ADCY10: variants seen among roughly 807,000 people sequenced by gnomAD.
ADCY10 encodes adenylate cyclase type 10.
ADCY10 carries 156 observed loss-of-function variants against 183.3 expected under a neutral mutation model. The observed-to-expected ratio is 0.85, with a 90% CI of 0.75 to 0.97. ADCY10 has a LOEUF of 0.97. Among genes scored for constraint, ADCY10 ranks in the 50% least tolerant of loss-of-function variants. The probability of loss-of-function intolerance (pLI) is 0.00; values close to 1 mark genes in which losing one functional copy is unlikely to be tolerated. For synonymous variants in ADCY10, 645 were observed against 670.0 expected (o/e 0.96, Z 0.58); for missense variants, 1,745 against 1,934.3 (o/e 0.90, Z 1.84).
intron 1 of ADCY10, among the ~76,000 whole-genome samples, chr1:167,913,680 G>T (rs1471321001): frequency 6.6e-6 from 1 of 150,870 alleles, no homozygotes; most frequent in Non-Finnish European, 1.5e-5. Context: ...GTAGGCACTT[G>T]GTAGTTGTTG....
At chr1:167,848,311 AG>A (rs755994982) in intron 19 of ADCY10, 49 bp downstream of exon 19, 5 of 1,530,294 alleles carry the variant, frequency 3.3e-6, no homozygotes, top group Non-Finnish European at 4.5e-6. Context: ...GGCCTCCCAA[AG>A]TGCTGGGATT....
intron 13 of ADCY10, among the ~76,000 whole-genome samples, chr1:167,871,026 A>G (rs1395751167): frequency 6.6e-6 from 1 of 152,166 alleles, no homozygotes; most frequent in African/African-American, 2.4e-5. Context: ...CTTAGATTAC[A>G]CAACCAGGAA....
At chr1:167,912,352 C>T (rs577797339) in intron 1 of ADCY10, among the ~76,000 whole-genome samples, 2 of 152,232 alleles carry the variant, frequency 1.3e-5, no homozygotes, top group Non-Finnish European at 2.9e-5. Flanking sequence ...GCCCACCCAA[C>T]ATGGCGATTC....
chr1:167,897,104 C>T (rs1016599128), intron 6 of ADCY10, among the ~76,000 whole-genome samples: 6 of 150,732 alleles, frequency 4.0e-5, no homozygotes, highest in Non-Finnish European at 7.4e-5. Flanking sequence ...AGTCATAAGA[C>T]ATCAAGATCA....
chr1:167,847,502 G>T (rs1250978011), intron 19 of ADCY10, among the ~76,000 whole-genome samples: 10 of 151,564 alleles, frequency 6.6e-5, no homozygotes, highest in Non-Finnish European at 1.3e-4. Flanking sequence ...TGCAACCTCC[G>T]CCTCCTGGGT....
chr1:167,871,127 A>G (rs1667078261), intron 13 of ADCY10, among the ~76,000 whole-genome samples: 1 of 152,058 alleles, frequency 6.6e-6, no homozygotes, highest in Non-Finnish European at 1.5e-5. Flanking sequence ...TATGTAGACT[A>G]TTACATTAGG....
chr1:167,904,790 T>C, intron 2 of ADCY10: 1 of 666,400 alleles, frequency 1.5e-6, no homozygotes, highest in Non-Finnish European at 2.6e-6. Flanking sequence ...TGCCTATGAC[T>C]GGCAGTCCTG....
chr1:167,871,077 G>GT (rs1283955285), intron 13 of ADCY10, among the ~76,000 whole-genome samples: 2 of 151,008 alleles, frequency 1.3e-5, no homozygotes, highest in Non-Finnish European at 3.0e-5. Context: ...GTTTTTTTTT[G>GT]TTTTTTGTTT....
At chr1:167,890,962 G>T (rs182185019) in intron 8 of ADCY10, among the ~76,000 whole-genome samples, 69 of 151,954 alleles carry the variant, frequency 4.5e-4, no homozygotes, top group African/African-American at 1.4e-3. Flanking sequence ...TATTTATTTA[G>T]TTAGTTAGTT....
At chr1:167,885,660 G>A (rs1668169974) in intron 8 of ADCY10, among the ~76,000 whole-genome samples, 1 of 151,750 alleles carries the variant, frequency 6.6e-6, no homozygotes, top group Non-Finnish European at 1.5e-5. Flanking sequence ...TCTGTCACCT[G>A]GGCTGGAGTG....
At chr1:167,896,768 AAG>A in intron 6 of ADCY10, 77 bp from the exon 7 acceptor site, 1 of 1,019,832 alleles carries the variant, frequency 9.8e-7, no homozygotes, top group Middle Eastern at 3.0e-4. Flanking sequence ...TCTTAGCAGA[AAG>A]AGAGTATGCT....
In ADCY10 at chr1:167,823,049, G is replaced by A. The variant is rs1338770595; in HGVS notation, c.4127C>T (p.Ala1376Val). 6 of 1,614,030 alleles carry A rather than the reference G, an allele frequency of 3.7e-6. No homozygotes were observed. The highest frequency in any genetic ancestry group is 5.1e-6 in the Non-Finnish European group (6 of 1,180,020). The change falls in exon 29 of 33, where the codon GCA (alanine) becomes GTA (valine). Residue 1376 changes from alanine to valine, a missense_variant. Transcript: ENST00000367851. ...GTCCAAGCAGACAAAATAGAAAAAT[G>A]CCTTGCTGAAGATGTGTTCCTGTGT... ...SVTQEHIFSKAFFYFVCLDIL... is the reference protein window; with the variant it reads ...SVTQEHIFSKVFFYFVCLDIL...
At chr1:167,861,209 C>T (rs1048225432) in intron 14 of ADCY10, 146 bp from the exon 15 acceptor site, 6 of 726,738 alleles carry the variant, frequency 8.3e-6, no homozygotes, top group African/African-American at 1.8e-5. Context: ...TTCTTTATTG[C>T]TGCTTCTGAT....
chr1:167,819,090 AT>A (rs113446012), intron 30 of ADCY10, among the ~76,000 whole-genome samples: 3,515 of 149,828 alleles, frequency 0.023, 120 homozygotes, highest in African/African-American at 0.079. Context: ...TCTCCAGGTG[AT>A]TTTTTTTTTA....
At chr1:167,819,046 G>A (rs1469908364) in intron 30 of ADCY10, among the ~76,000 whole-genome samples, 4 of 152,034 alleles carry the variant, frequency 2.6e-5, no homozygotes, top group East Asian at 1.9e-4. Context: ...AATCAGACAG[G>A]CTCTGGGGGT....
chr1:167,809,468 A>T lies in ADCY10; in HGVS notation c.*210T>A, dbSNP rs17482467. On this transcript the variant is annotated 3_prime_UTR_variant, in exon 33 of 33. Coordinates refer to ENST00000367851, the MANE Select transcript of ADCY10 (RefSeq NM_018417.6). ...AAGCTAAAACAACATGAATGGTAAA[A>T]GCAATTTTTTGTAACATTAGGAAGA... 1 of 583,988 alleles carries T rather than the reference A, an allele frequency of 1.7e-6. No homozygotes were observed. Among genetic ancestry groups the T allele is most frequent in the African/African-American group, 1.9e-5 (1 of 53,596 alleles). 36.2% of individuals were successfully genotyped at this position (583,988 alleles called of 1,614,324 possible). A position where few individuals can be genotyped will look rare whatever the true frequency, so the allele number is the denominator to read the frequency against.
chr1:167,899,054 G>GT (rs1430825376), intron 6 of ADCY10, among the ~76,000 whole-genome samples: 1 of 152,134 alleles, frequency 6.6e-6, no homozygotes, highest in East Asian at 1.9e-4. Flanking sequence ...GGTTAGGAGG[G>GT]TGTTGGGTAA....
At chr1:167,829,203 C>T (rs1349347968) in intron 26 of ADCY10, 64 bp downstream of exon 26, 1 of 1,594,118 alleles carries the variant, frequency 6.3e-7, no homozygotes, top group African/African-American at 1.3e-5. Flanking sequence ...AATTGGCTTT[C>T]ACTAGGCTTT....
At chr1:167,871,373 C>G (rs1667094267) in intron 13 of ADCY10, among the ~76,000 whole-genome samples, 1 of 151,984 alleles carries the variant, frequency 6.6e-6, no homozygotes, top group Non-Finnish European at 1.5e-5. Context: ...TAGGTTTTTT[C>G]TGATTATAAA....
Sources: allele counts gnomAD v4.1 joint callset (sites outside exome capture counted in the v4.1 genomes callset), GRCh38; gene constraint gnomAD v4.1.1; transcripts MANE v1.5; gene names NCBI Gene and HGNC (gene_info 2026-07-23, HGNC 2026-07-21).